SYT14: variants seen among roughly 807,000 people sequenced by gnomAD.
The protein encoded by SYT14 is synaptotagmin 14, also known as synaptotagmin-14.
A neutral mutation model predicts 74.2 loss-of-function variants in SYT14; 32 were observed. The observed-to-expected ratio is 0.43, with a 90% CI of 0.33 to 0.58. The LOEUF is 0.58. Among genes scored for constraint, SYT14 ranks in the 20% least tolerant of loss-of-function variants. SYT14 has a pLI of 0.05. For missense variants in SYT14, 791 were observed against 981.8 expected, an observed-to-expected ratio of 0.81 and a Z score of 2.60; for synonymous variants, 298 against 337.7, an observed-to-expected ratio of 0.88 and a Z score of 1.29.
At chr1:210,139,229 T>A (rs1053388768) in intron 7 of SYT14, among the ~76,000 whole-genome samples, 5 of 150,474 alleles carry the variant, frequency 3.3e-5, no homozygotes, top group African/African-American at 1.2e-4. Flanking sequence ...TGGGACTACA[T>A]GCGTGTACCA....
At chr1:209,966,209 T>G (rs1451544759) in intron 2 of SYT14, among the ~76,000 whole-genome samples, 1 of 152,224 alleles carries the variant, frequency 6.6e-6, no homozygotes, top group Non-Finnish European at 1.5e-5. Flanking sequence ...TCTGTTTGTC[T>G]GCCTTGTTGC....
chr1:209,994,445 AAG>A (rs1422703635), intron 2 of SYT14, among the ~76,000 whole-genome samples: 1 of 152,192 alleles, frequency 6.6e-6, no homozygotes, highest in African/African-American at 2.4e-5. Flanking sequence ...ACGAAGAAAA[AAG>A]AATTTTTTAA....
At position 210,041,924 on chromosome 1, in the gene SYT14, G is replaced by A. The variant is rs4551595; in HGVS notation, c.1312+20670G>A. On this transcript the variant is annotated intron_variant, in intron 5 of 9. Transcript: ENST00000637265. ...GTATGCCTCTTGTTGCAGCACAACT[G>A]AGGGACCTCAAAAGCACTCTGCTCT... is the stretch of plus-strand genomic sequence containing the variant. Among the ~76,000 whole-genome samples, 1,174 of 152,204 alleles carry A rather than the reference G, an allele frequency of 7.7e-3. 20 individuals are homozygous for A. Among genetic ancestry groups the A allele is most frequent in the African/African-American group, 0.027 (1,121 of 41,518 alleles).
chr1:209,958,315 A>G (rs868085176), intron 2 of SYT14, among the ~76,000 whole-genome samples: 4 of 152,008 alleles, frequency 2.6e-5, no homozygotes, highest in African/African-American at 7.2e-5. Flanking sequence ...CTTGTTATCT[A>G]TTAGGACAAA....
intron 7 of SYT14, among the ~76,000 whole-genome samples, chr1:210,110,448 C>T (rs1294719953): frequency 3.3e-5 from 5 of 152,118 alleles, no homozygotes; most frequent in African/African-American, 4.8e-5. Context: ...GCTTGAGAAA[C>T]AGCAGAGAAC....
chr1:210,055,635 A>G (rs2081081652), intron 5 of SYT14, among the ~76,000 whole-genome samples: 1 of 151,866 alleles, frequency 6.6e-6, no homozygotes. Flanking sequence ...TGGTCAACAT[A>G]ATGAAACCGC....
At position 210,128,600 on chromosome 1, in the gene SYT14, T is replaced by A. The variant is rs117096952; in HGVS notation, c.2035-27121T>A. Among the ~76,000 whole-genome samples the A allele has an allele frequency of 2.0e-5, 3 of 152,318 alleles. No individual in the cohort carries two copies. In the East Asian group the frequency reaches 5.8e-4, roughly 29 times the overall value. ...AAAATCAATATTTAAAATGCAAAAT[T>A]AGTAGCTGAAGTGTTTGTTCTGAAA... On this transcript the variant is annotated intron_variant, in intron 7 of 9. Transcript: ENST00000637265.
chr1:210,094,202 A>G, intron 5 of SYT14, 120 bp from the exon 5 acceptor site: 6 of 1,319,684 alleles, frequency 4.5e-6, no homozygotes, highest in Non-Finnish European at 6.4e-6. Flanking sequence ...TAGTAAATCT[A>G]ATAGTTATGT....
intron 7 of SYT14, 98 bp downstream of exon 6, chr1:210,100,559 T>G (rs1224502359): frequency 3.2e-6 from 4 of 1,238,208 alleles, no homozygotes. Context: ...AGTTTGTCAG[T>G]CTATTTTTTT....
At chr1:209,939,885 T>C (rs972408457) in intron 1 of SYT14, among the ~76,000 whole-genome samples, 1 of 152,224 alleles carries the variant, frequency 6.6e-6, no homozygotes, top group African/African-American at 2.4e-5. Flanking sequence ...GTTCTTCCTT[T>C]CTTTCTACTG....
At chr1:210,119,855 G>A (rs1043844747) in intron 7 of SYT14, among the ~76,000 whole-genome samples, 1 of 152,174 alleles carries the variant, frequency 6.6e-6, no homozygotes, top group Non-Finnish European at 1.5e-5. Context: ...GCTTACCTGG[G>A]TACTTCACAA....
chr1:210,085,896 T>A (rs1199266204), intron 5 of SYT14, among the ~76,000 whole-genome samples: 2 of 152,278 alleles, frequency 1.3e-5, no homozygotes, highest in African/African-American at 4.8e-5. Context: ...TATTATGGCC[T>A]CATAAAATAA....
At chr1:210,049,022 A>G (rs1417617097) in intron 5 of SYT14, among the ~76,000 whole-genome samples, 1 of 152,208 alleles carries the variant, frequency 6.6e-6, no homozygotes, top group African/African-American at 2.4e-5. Flanking sequence ...GGTCATGCTG[A>G]TGCAAGGGGT....
intron 2 of SYT14, chr1:209,953,297 A>G: frequency 7.9e-7 from 1 of 1,258,812 alleles, no homozygotes. Flanking sequence ...GGAATCAGGT[A>G]TTCTCTAGAT....
At chr1:209,977,222 G>A (rs1027910597) in intron 2 of SYT14, among the ~76,000 whole-genome samples, 36 of 152,180 alleles carry the variant, frequency 2.4e-4, no homozygotes, top group African/African-American at 7.9e-4. Flanking sequence ...GGTTAATATT[G>A]TTATGTGTGA....
At chr1:210,025,545 A>G (rs1047133505) in intron 5 of SYT14, among the ~76,000 whole-genome samples, 2 of 152,164 alleles carry the variant, frequency 1.3e-5, no homozygotes, top group African/African-American at 2.4e-5. Flanking sequence ...CCTTTAGTGT[A>G]TTTCTCAACA....
At chr1:209,989,334 G>T (rs2079624965) in intron 2 of SYT14, among the ~76,000 whole-genome samples, 1 of 152,164 alleles carries the variant, frequency 6.6e-6, no homozygotes, top group African/African-American at 2.4e-5. Flanking sequence ...TAGAGAACAA[G>T]ATATGGTGAA....
At chr1:209,975,097 T>C (rs1195340105) in intron 2 of SYT14, among the ~76,000 whole-genome samples, 1 of 152,212 alleles carries the variant, frequency 6.6e-6, no homozygotes, top group African/African-American at 2.4e-5. Context: ...GCCTATCGGC[T>C]TAAGGAGATT....
chr1:210,136,428 G>A (rs2082787905), intron 7 of SYT14, among the ~76,000 whole-genome samples: 1 of 152,128 alleles, frequency 6.6e-6, no homozygotes, highest in African/African-American at 2.4e-5. Flanking sequence ...AAATTTACCC[G>A]AGAAGTATAA....
Sources: allele counts gnomAD v4.1 joint callset (sites outside exome capture counted in the v4.1 genomes callset), GRCh38; gene constraint gnomAD v4.1.1; transcripts MANE v1.5; gene names NCBI Gene and HGNC (gene_info 2026-07-23, HGNC 2026-07-21).